Variants in LRRC74A observed in about 807,000 individuals in gnomAD.
LRRC74A encodes leucine rich repeat containing 74A.
In LRRC74A, 44 loss-of-function variants were observed where a neutral mutation model predicts 57.9. The ratio of observed to expected loss-of-function variants is 0.76; its 90% CI spans 0.60 to 0.98. LRRC74A has a LOEUF of 0.98. Among genes scored for constraint, LRRC74A ranks in the 50% least tolerant of loss-of-function variants. The probability of loss-of-function intolerance (pLI) is 0.00; values close to 1 mark genes in which losing one functional copy is unlikely to be tolerated. For missense variants in LRRC74A, 572 were observed against 574.0 expected (o/e 1.00, Z 0.04); for synonymous variants, 211 against 219.4 (o/e 0.96, Z 0.34).
rs912441595 is a variant in LRRC74A at position 76,866,060 on chromosome 14, G to A, written c.1293G>A (p.Gln431=). The A allele has an allele frequency of 6.4e-7, 1 of 1,568,628 alleles. No homozygotes were observed. Among genetic ancestry groups the A allele is most frequent in the Non-Finnish European group, 8.7e-7 (1 of 1,144,178 alleles). The change falls in exon 12 of 14, where the codon CAG becomes CAA. Residue 431 remains glutamine (Q), a synonymous_variant. Coordinates refer to ENST00000689127, the MANE Select transcript of LRRC74A (RefSeq NM_001385106.1). ...GTMKMSVDEF[Q]KVMIEQNKVP... ...TGAAGATGTCTGTGGATGAGTTCCA[G>A]AAAGTGATGATAGAGGTGTGCTGGG... is the stretch of plus-strand genomic sequence containing the variant.
At chr14:76,845,641 A>G (rs1347635042) in intron 7 of LRRC74A, among the ~76,000 whole-genome samples, 1 of 152,234 alleles carries the variant, frequency 6.6e-6, no homozygotes, top group Non-Finnish European at 1.5e-5. Flanking sequence ...CCTGAACCTA[A>G]AAGTTTTAAA....
chr14:76,868,259 T>C (rs1341948389), intron 13 of LRRC74A, among the ~76,000 whole-genome samples: 1 of 151,612 alleles, frequency 6.6e-6, no homozygotes, highest in African/African-American at 2.4e-5. Context: ...GCCCAGGAGG[T>C]CGAGACAAGC....
intron 7 of LRRC74A, among the ~76,000 whole-genome samples, chr14:76,850,785 T>A (rs1897407459): frequency 6.7e-6 from 1 of 148,904 alleles, no homozygotes; most frequent in Non-Finnish European, 1.5e-5. Context: ...GGAGAATCGC[T>A]TGAACCCAGG....
At chr14:76,846,474 C>A (rs1430370025) in intron 7 of LRRC74A, among the ~76,000 whole-genome samples, 1 of 151,888 alleles carries the variant, frequency 6.6e-6, no homozygotes. Flanking sequence ...TACAGCATCG[C>A]CATAAAAGAG....
intron 13 of LRRC74A, among the ~76,000 whole-genome samples, chr14:76,867,707 A>G (rs1899056604): frequency 6.6e-6 from 1 of 152,158 alleles, no homozygotes; most frequent in Non-Finnish European, 1.5e-5. Context: ...CCACACTCAC[A>G]GCCCAGGAGG....
chr14:76,828,596 G>T lies in LRRC74A; in HGVS notation c.166+177G>T. 3.3e-6 allele frequency: 3 copies of T among 901,482 alleles called. No homozygotes were observed. The South Asian group carries it at 4.2e-5, about 13-fold the overall frequency. The allele number at this position is 901,482 out of a possible 1,614,324, so 55.8% of individuals were successfully genotyped here. On this transcript the variant is annotated intron_variant, in intron 2 of 13. Coordinates refer to ENST00000689127, the MANE Select transcript of LRRC74A (RefSeq NM_001385106.1). ...CCTGGAGTCCTCCTCCGGGCTGGCAGGGGAGAGCAGCTGCAGCTTCCCACG... is the reference window on the plus strand; with the variant it reads ...CCTGGAGTCCTCCTCCGGGCTGGCATGGGAGAGCAGCTGCAGCTTCCCACG...
At position 76,833,600 on chromosome 14, in the gene LRRC74A, C is replaced by T. The variant is rs576038257; in HGVS notation, c.339+2225C>T. On this transcript the variant is annotated intron_variant, in intron 3 of 13. Coordinates refer to ENST00000689127, the MANE Select transcript of LRRC74A (RefSeq NM_001385106.1). ...GGGATTACAGGTGCGCACCACCATG[C>T]CTGGCTAATTTTTCGTATTTTTAGT... is the stretch of plus-strand genomic sequence containing the variant. Among the ~76,000 whole-genome samples the T allele has an allele frequency of 4.6e-5, 7 of 151,960 alleles. No homozygotes were observed. In the East Asian group the frequency reaches 1.4e-3, roughly 29 times the overall value.
chr14:76,862,342 C>T (rs1009120822), intron 11 of LRRC74A, among the ~76,000 whole-genome samples: 1 of 152,146 alleles, frequency 6.6e-6, no homozygotes, highest in Non-Finnish European at 1.5e-5. Flanking sequence ...CCAGCCTGGC[C>T]AACATGGCAA....
Position 76,852,418 on chromosome 14 carries a change from AG to A in LRRC74A, c.734del (p.Gly245GlufsTer13), listed in dbSNP as rs764157721. ...TCTGAGCTGGAATAACTTCCACACA[AG>A]GGGAGCTGTGGCCTTGTGCAATGGT... ...LDLSWNNFHT[R>X]GAVALCNGLR... On this transcript the variant is annotated frameshift_variant, in exon 8 of 14. Coordinates refer to ENST00000689127, the MANE Select transcript of LRRC74A (RefSeq NM_001385106.1). LOFTEE classifies it high-confidence loss of function. The A allele has an allele frequency of 3.7e-6, 6 of 1,611,546 alleles. No homozygotes were observed. Among genetic ancestry groups the A allele is most frequent in the Non-Finnish European group, 5.1e-6 (6 of 1,178,658 alleles).
At chr14:76,831,720 C>G (rs1348091242) in intron 3 of LRRC74A, among the ~76,000 whole-genome samples, 1 of 152,134 alleles carries the variant, frequency 6.6e-6, no homozygotes, top group Non-Finnish European at 1.5e-5. Context: ...CAACAAAATG[C>G]CAGCCTGGGT....
intron 9 of LRRC74A, among the ~76,000 whole-genome samples, chr14:76,856,584 C>CTGGA (rs56324752): frequency 0.78 from 115,139 of 148,172 alleles, 46,966 homozygotes; most frequent in Non-Finnish European, 0.9. Context: ...TGCTGGCTGG[C>CTGGA]TGGATGGATG....
intron 5 of LRRC74A, among the ~76,000 whole-genome samples, chr14:76,841,066 G>A (rs1896734959): frequency 6.6e-6 from 1 of 151,890 alleles, no homozygotes; most frequent in South Asian, 2.1e-4. Context: ...TTTTGAGACG[G>A]AGTCTCCCTC....
Position 76,836,921 on chromosome 14 carries a change from A to G in LRRC74A, c.447+607A>G, listed in dbSNP as rs555752393. Among the ~76,000 whole-genome samples, 869 of 149,534 alleles carry G rather than the reference A, an allele frequency of 5.8e-3. 3 individuals are homozygous for G. The highest frequency in any genetic ancestry group is 0.021 in the African/African-American group (833 of 40,594). On this transcript the variant is annotated intron_variant, in intron 4 of 13. Coordinates refer to ENST00000689127, the MANE Select transcript of LRRC74A (RefSeq NM_001385106.1). ...TTTGGGAAGGCAAAGTGGGCAGATC[A>G]CCTGAGGTCAGAAGTTCAAGACCAG...
chr14:76,864,208 G>A (rs1242394640), intron 11 of LRRC74A, among the ~76,000 whole-genome samples: 2 of 152,132 alleles, frequency 1.3e-5, no homozygotes, highest in Non-Finnish European at 2.9e-5. Context: ...CAGCAGCTGT[G>A]GAGGATGGAG....
chr14:76,844,546 G>A (rs769533692), intron 6 of LRRC74A, 74 bp downstream of exon 6: 5 of 1,457,168 alleles, frequency 3.4e-6, no homozygotes, highest in Non-Finnish European at 4.8e-6. Context: ...GGGCTGCTAT[G>A]GGCACAGTAA....
At chr14:76,870,074 G>A in intron 13 of LRRC74A, 51 bp from the exon 14 acceptor site, 1 of 1,582,610 alleles carries the variant, frequency 6.3e-7, no homozygotes, top group Non-Finnish European at 8.6e-7. Flanking sequence ...TCACCCATCA[G>A]CCATGAGGCT....
At chr14:76,831,082 C>T (rs1355617165) in intron 2 of LRRC74A, 121 bp from the exon 3 acceptor site, 2 of 1,006,962 alleles carry the variant, frequency 2.0e-6, no homozygotes, top group Admixed American at 2.4e-5. Context: ...TTAGCACATA[C>T]CCACAGGGAG....
At chr14:76,843,892 G>C (rs1340715684) in intron 5 of LRRC74A, among the ~76,000 whole-genome samples, 2 of 151,934 alleles carry the variant, frequency 1.3e-5, no homozygotes, top group Non-Finnish European at 2.9e-5. Context: ...GTAGAGACAG[G>C]GTTTTGCCAT....
In LRRC74A at chr14:76,866,170, CT is replaced by C. The variant is rs1157421018; in HGVS notation, c.1308+97del. On this transcript the variant is annotated intron_variant, in intron 12 of 13. Transcript: ENST00000689127. ...GAGAGGAGGAGAAGGAGCAAAAGAG[CT>C]TGTGAGCACTTCCTAGAGCTTCCTG... 8 of 912,840 alleles carry C rather than the reference CT, an allele frequency of 8.8e-6. No homozygotes were observed. The East Asian group carries it at 2.1e-4, about 24-fold the overall frequency. 56.5% of individuals were successfully genotyped at this position (912,840 alleles called of 1,614,324 possible).
Sources: allele counts gnomAD v4.1 joint callset (sites outside exome capture counted in the v4.1 genomes callset), GRCh38; gene constraint gnomAD v4.1.1; transcripts MANE v1.5; gene names NCBI Gene and HGNC (gene_info 2026-07-23, HGNC 2026-07-21).